The following EHBP1 variants were observed in gnomAD, a reference collection of about 807,000 sequenced individuals.
The protein encoded by EHBP1 is EH domain binding protein 1, also known as EH domain-binding protein 1.
EHBP1 carries 55 observed loss-of-function variants against 144.0 expected under a neutral mutation model. That is an observed-to-expected ratio of 0.38 (90% CI 0.31 to 0.48). EHBP1 has a LOEUF of 0.48. Ranked by LOEUF, EHBP1 falls within the 20% of genes least tolerant of loss-of-function variation. The pLI, the probability that EHBP1 is intolerant of heterozygous loss-of-function variation, is 0.98. For synonymous variants in EHBP1, 469 were observed against 472.7 expected (o/e 0.99, Z 0.10); for missense variants, 1,200 against 1,364.2 (o/e 0.88, Z 1.90).
chr2:62,955,742 C>A, intron 14 of EHBP1, 82 bp downstream of exon 14: 1 of 1,465,046 alleles, frequency 6.8e-7, no homozygotes, highest in Non-Finnish European at 9.2e-7. Flanking sequence ...TGTATTTCTG[C>A]TATGTTATTT....
chr2:62,846,361 A>C (rs1191680407), intron 7 of EHBP1, among the ~76,000 whole-genome samples: 1 of 152,226 alleles, frequency 6.6e-6, no homozygotes, highest in African/African-American at 2.4e-5. Flanking sequence ...TTATCCTAGG[A>C]ATTCAAGGTT....
intron 2 of EHBP1, among the ~76,000 whole-genome samples, chr2:62,736,869 T>C (rs993806889): frequency 6.6e-6 from 1 of 152,206 alleles, no homozygotes; most frequent in African/African-American, 2.4e-5. Context: ...CTCTTCAAAC[T>C]CTGTTTTTTG....
At chr2:62,942,406 A>G (rs1441223733) in intron 10 of EHBP1, among the ~76,000 whole-genome samples, 1 of 152,216 alleles carries the variant, frequency 6.6e-6, no homozygotes, top group Non-Finnish European at 1.5e-5. Flanking sequence ...TGAGAATTAC[A>G]TAGGTATTTA....
At chr2:62,746,868 T>C (rs1401027013) in intron 2 of EHBP1, among the ~76,000 whole-genome samples, 1 of 152,044 alleles carries the variant, frequency 6.6e-6, no homozygotes, top group Non-Finnish European at 1.5e-5. Context: ...ATAGGGATAA[T>C]AGTATATACC....
chr2:62,983,833 C>T (rs1264625392), intron 15 of EHBP1, among the ~76,000 whole-genome samples: 3 of 152,210 alleles, frequency 2.0e-5, no homozygotes, highest in African/African-American at 7.2e-5. Context: ...TGAGCCACTG[C>T]GCCCGGCCTT....
At chr2:62,848,946 ATATAT>A (rs2048487548) in intron 7 of EHBP1, among the ~76,000 whole-genome samples, 3 of 152,140 alleles carry the variant, frequency 2.0e-5, no homozygotes, top group African/African-American at 7.2e-5. Flanking sequence ...ATTATAGTAA[ATATAT>A]TAGGTTTGTA....
chr2:62,890,175 A>G (rs1011325385), intron 10 of EHBP1, among the ~76,000 whole-genome samples: 4 of 151,978 alleles, frequency 2.6e-5, no homozygotes, highest in African/African-American at 9.7e-5. Flanking sequence ...AGACCTTGTG[A>G]TCTGCCCACC....
intron 3 of EHBP1, among the ~76,000 whole-genome samples, chr2:62,757,030 C>CT (rs1377905879): frequency 6.6e-6 from 1 of 152,116 alleles, no homozygotes; most frequent in Non-Finnish European, 1.5e-5. Context: ...TGTGAAAGAC[C>CT]TTTCTGTTTT....
intron 10 of EHBP1, among the ~76,000 whole-genome samples, chr2:62,932,530 A>G (rs1245142446): frequency 6.6e-6 from 1 of 152,204 alleles, no homozygotes; most frequent in East Asian, 1.9e-4. Flanking sequence ...GAAACAGAAA[A>G]TAGGATGGCA....
intron 10 of EHBP1, among the ~76,000 whole-genome samples, chr2:62,928,438 A>G (rs1250574483): frequency 6.6e-6 from 1 of 152,168 alleles, no homozygotes; most frequent in Admixed American, 6.5e-5. Flanking sequence ...CCTTAATTTT[A>G]TCAACACTAC....
chr2:62,989,430 GC>G (rs2059327842), intron 15 of EHBP1, among the ~76,000 whole-genome samples: 1 of 152,088 alleles, frequency 6.6e-6, no homozygotes, highest in African/African-American at 2.4e-5. Context: ...GGAAAAAATA[GC>G]CATTTCTTAG....
intron 7 of EHBP1, among the ~76,000 whole-genome samples, chr2:62,853,776 A>T (rs1046963257): frequency 1.3e-4 from 20 of 152,144 alleles, no homozygotes; most frequent in Non-Finnish European, 4.4e-5. Flanking sequence ...AACACTAATC[A>T]CCTGTACATC....
chr2:62,815,814 A>G (rs527301401), intron 5 of EHBP1, among the ~76,000 whole-genome samples: 2 of 152,346 alleles, frequency 1.3e-5, no homozygotes, highest in African/African-American at 4.8e-5. Flanking sequence ...ATATAAACAA[A>G]TATGATTTTT....
Position 62,700,415 on chromosome 2 carries a change from C to G in EHBP1, c.-295-6482C>G, listed in dbSNP as rs545149209. Among the ~76,000 whole-genome samples the G allele has an allele frequency of 5.9e-5, 9 of 152,166 alleles. No individual in the cohort carries two copies. In the South Asian group the frequency reaches 1.9e-3, roughly 32 times the overall value. ...ACTGCATCTCAATTGAGGGGGCTTA[C>G]ATAGCATCACTATGTTGGGGGAAGG... On this transcript the variant is annotated intron_variant, in intron 1 of 22. Coordinates refer to the EHBP1 transcript ENST00000405015.
At chr2:62,776,098 A>C (rs952087329) in intron 5 of EHBP1, among the ~76,000 whole-genome samples, 1 of 152,198 alleles carries the variant, frequency 6.6e-6, no homozygotes, top group Admixed American at 6.5e-5. Flanking sequence ...GACATTATAA[A>C]ATGGAATTCT....
In EHBP1 at chr2:62,993,527, T is replaced by C; in HGVS notation, c.2734-3T>C. ...CTCTTACCATGTGTTGTTTTACGTT[T>C]AGAGTGGCACAGAAGATCTCCGGAC... On this transcript the variant is annotated splice_region_variant and splice_polypyrimidine_tract_variant and intron_variant, in intron 16 of 22. Coordinates refer to ENST00000431489, the MANE Select transcript of EHBP1 (RefSeq NM_001142616.3). The C allele has an allele frequency of 1.3e-6, 2 of 1,580,290 alleles. No homozygotes were observed. Among genetic ancestry groups the C allele is most frequent in the East Asian group, 4.5e-5 (2 of 44,350 alleles).
chr2:62,862,811 T>C (rs1442617192), intron 8 of EHBP1, among the ~76,000 whole-genome samples: 1 of 152,220 alleles, frequency 6.6e-6, no homozygotes, highest in Non-Finnish European at 1.5e-5. Context: ...CTATGACTTT[T>C]GGCTCACTGA....
chr2:62,720,861 G>A, intron 2 of EHBP1, among the ~76,000 whole-genome samples: 1 of 152,172 alleles, frequency 6.6e-6, no homozygotes, highest in Non-Finnish European at 1.5e-5. Context: ...ATCTCATAAT[G>A]CTTTAAGAAA....
chr2:62,833,309 A>G (rs1366596647), intron 7 of EHBP1, among the ~76,000 whole-genome samples: 2 of 152,352 alleles, frequency 1.3e-5, no homozygotes, highest in African/African-American at 4.8e-5. Context: ...GTAAATGCTA[A>G]TATAGAAGCC....
Sources: allele counts gnomAD v4.1 joint callset (sites outside exome capture counted in the v4.1 genomes callset), GRCh38; gene constraint gnomAD v4.1.1; transcripts MANE v1.5; gene names NCBI Gene and HGNC (gene_info 2026-07-23, HGNC 2026-07-21).